SYT17: variants seen among roughly 807,000 people sequenced by gnomAD.
SYT17 encodes synaptotagmin 17, also known as synaptotagmin-17.
SYT17 carries 22 observed loss-of-function variants against 46.7 expected under a neutral mutation model. That is an observed-to-expected ratio of 0.47 (90% confidence interval 0.34 to 0.67). The LOEUF (loss-of-function observed/expected upper bound fraction) is 0.67, where lower values mean the gene tolerates loss of function less well. Among genes scored for constraint, SYT17 ranks in the 30% least tolerant of loss-of-function variants. The pLI, the probability that SYT17 is intolerant of heterozygous loss-of-function variation, is 0.01. For synonymous variants in SYT17, 251 were observed against 248.4 expected, an observed-to-expected ratio of 1.01 and a Z score of -0.10; for missense variants, 519 against 612.8, an observed-to-expected ratio of 0.85 and a Z score of 1.62.
intron 7 of SYT17, chr16:19,249,917 C>A: frequency 6.5e-7 from 1 of 1,534,374 alleles, no homozygotes; most frequent in South Asian, 1.2e-5. Flanking sequence ...CCAGCAGATT[C>A]ACCAAGTCCT....
In SYT17 at chr16:19,180,531, G is replaced by C. The variant is rs533222063; in HGVS notation, c.323G>C (p.Arg108Thr). 1 of 1,614,154 alleles carries C rather than the reference G, an allele frequency of 6.2e-7. No homozygotes were observed. The highest frequency in any genetic ancestry group is 2.2e-5 in the East Asian group (1 of 44,872). The change falls in exon 4 of 8, where the codon AGG becomes ACG. Residue 108 changes from arginine to threonine, a missense_variant. Physicochemically the swap from Arg to Thr is moderately conservative, Grantham distance 71. Coordinates refer to ENST00000355377, the MANE Select transcript of SYT17 (RefSeq NM_016524.4). ...AAGTCTACATACAGCCTGACGCGGA[G>C]GATTTCGAGTAAGTATCTCTGCTTT... The part of the protein sequence containing the change: ...TSKSTYSLTR[R>T]ISSLESRRPS...
intron 7 of SYT17, among the ~76,000 whole-genome samples, chr16:19,260,336 CAAA>C (rs34504914): frequency 0.13 from 2,993 of 22,724 alleles, 109 homozygotes; most frequent in African/African-American, 0.19. Context: ...CAGAAAATAC[CAAA>C]AAAAAAAAAA....
chr16:19,220,525 G>A (rs770113448), intron 5 of SYT17, among the ~76,000 whole-genome samples: 3 of 151,854 alleles, frequency 2.0e-5, no homozygotes, highest in Admixed American at 6.6e-5. Flanking sequence ...TCTTGAACTC[G>A]TGACCTTAGA....
chr16:19,265,558 C>T (rs1347300414), intron 7 of SYT17, among the ~76,000 whole-genome samples: 1 of 152,210 alleles, frequency 6.6e-6, no homozygotes, highest in Non-Finnish European at 1.5e-5. Context: ...AGCATTCAAG[C>T]TCTGTTTTTG....
chr16:19,252,195 G>A (rs1248459061), intron 7 of SYT17, among the ~76,000 whole-genome samples: 2 of 150,084 alleles, frequency 1.3e-5, no homozygotes, highest in East Asian at 3.9e-4. Context: ...TGTTTGAGAC[G>A]TCTTTTTGAA....
At chr16:19,181,735 C>T (rs976801382) in intron 4 of SYT17, among the ~76,000 whole-genome samples, 4 of 151,204 alleles carry the variant, frequency 2.6e-5, no homozygotes, top group Non-Finnish European at 5.9e-5. Flanking sequence ...CGCGGTGGCT[C>T]ATGCCTGTAA....
chr16:19,227,832 A>G (rs909278713), intron 7 of SYT17, among the ~76,000 whole-genome samples: 1 of 152,254 alleles, frequency 6.6e-6, no homozygotes. Context: ...TTCTGGGAAT[A>G]GAGCAGTGAA....
At chr16:19,260,780 T>C (rs1215377300) in intron 7 of SYT17, among the ~76,000 whole-genome samples, 1 of 152,130 alleles carries the variant, frequency 6.6e-6, no homozygotes, top group East Asian at 1.9e-4. Context: ...AGTAGAAATA[T>C]TTGGTGGAGG....
chr16:19,239,827 C>A (rs955027484), intron 7 of SYT17, among the ~76,000 whole-genome samples: 13 of 152,208 alleles, frequency 8.5e-5, no homozygotes, highest in African/African-American at 3.1e-4. Flanking sequence ...TCTGAAGAGA[C>A]TGGAGCAGAG....
At chr16:19,236,675 C>T (rs144751234) in intron 7 of SYT17, among the ~76,000 whole-genome samples, 1 of 152,286 alleles carries the variant, frequency 6.6e-6, no homozygotes, top group African/African-American at 2.4e-5. Flanking sequence ...AGGGCAGAGT[C>T]CAGGAGGGGT....
chr16:19,204,452 C>T (rs568914953), intron 5 of SYT17, among the ~76,000 whole-genome samples: 1 of 152,148 alleles, frequency 6.6e-6, no homozygotes, highest in African/African-American at 2.4e-5. Flanking sequence ...TAGAGCCTCA[C>T]TCAGCTTTCG....
Position 19,201,079 on chromosome 16 carries a change from G to T in SYT17, c.951+16932G>T, listed in dbSNP as rs56195558. ...CAGTAGAGGTCTGCTTCAGCACCAG[G>T]TCCCACTGAGGCCCCAGCTACTGCC... is the stretch of plus-strand genomic sequence containing the variant. On this transcript the variant is annotated intron_variant, in intron 5 of 7. Transcript: ENST00000355377. Among the ~76,000 whole-genome samples, 230 of 152,254 alleles carry T rather than the reference G, an allele frequency of 1.5e-3. 1 individual carries two copies. Among genetic ancestry groups the T allele is most frequent in the African/African-American group, 5.2e-3 (215 of 41,544 alleles).
At chr16:19,209,397 A>G (rs1332964600) in intron 5 of SYT17, among the ~76,000 whole-genome samples, 1 of 152,240 alleles carries the variant, frequency 6.6e-6, no homozygotes, top group African/African-American at 2.4e-5. Flanking sequence ...AGTAGCTGAT[A>G]ACACAACAAG....
chr16:19,261,348 C>T (rs925097604), intron 7 of SYT17, among the ~76,000 whole-genome samples: 9 of 152,216 alleles, frequency 5.9e-5, no homozygotes, highest in African/African-American at 2.2e-4. Context: ...ACACTGCCTG[C>T]TAATTAACTC....
chr16:19,255,883 G>A (rs925157785), intron 7 of SYT17, among the ~76,000 whole-genome samples: 1 of 152,172 alleles, frequency 6.6e-6, no homozygotes, highest in Non-Finnish European at 1.5e-5. Flanking sequence ...AGAAATTCAT[G>A]GAGTGAGGAG....
intron 5 of SYT17, among the ~76,000 whole-genome samples, chr16:19,220,333 C>T (rs190910739): frequency 0.016 from 1,072 of 66,942 alleles, 11 homozygotes; most frequent in South Asian, 0.057. Context: ...GATGAAGTCT[C>T]GCTCTGGTGC....
intron 7 of SYT17, among the ~76,000 whole-genome samples, chr16:19,263,632 T>C (rs77432217): frequency 0.064 from 7,520 of 117,786 alleles, 263 homozygotes; most frequent in Non-Finnish European, 0.075. Flanking sequence ...AACAGTGAAA[T>C]TACAACTCAA....
chr16:19,211,279 G>A, intron 5 of SYT17: 1 of 570,640 alleles, frequency 1.8e-6, no homozygotes, highest in Non-Finnish European at 3.2e-6. Context: ...ATTCTGTGGG[G>A]GTTGGATAGG....
At chr16:19,237,530 AC>A (rs1966865252) in intron 7 of SYT17, among the ~76,000 whole-genome samples, 1 of 152,180 alleles carries the variant, frequency 6.6e-6, no homozygotes, top group Admixed American at 6.5e-5. Flanking sequence ...TGACCCGACA[AC>A]CCAAAAGTTA....
Sources: allele counts gnomAD v4.1 joint callset (sites outside exome capture counted in the v4.1 genomes callset), GRCh38; gene constraint gnomAD v4.1.1; transcripts MANE v1.5; gene names NCBI Gene and HGNC (gene_info 2026-07-23, HGNC 2026-07-21).